The following CCDC39 variants were observed in gnomAD, a reference collection of about 807,000 sequenced individuals.
CCDC39 encodes coiled-coil domain 39 molecular ruler complex subunit.
CCDC39 carries 113 observed loss-of-function variants against 121.0 expected under a neutral mutation model. The ratio of observed to expected loss-of-function variants is 0.93; its 90% CI spans 0.80 to 1.09. CCDC39 has a LOEUF of 1.09. Ranked by LOEUF, CCDC39 falls within the 50% of genes least tolerant of loss-of-function variation. The pLI is 0.00. For synonymous variants in CCDC39, 349 were observed against 352.2 expected, an observed-to-expected ratio of 0.99 and a Z score of 0.10; for missense variants, 1,063 against 1,074.7, an observed-to-expected ratio of 0.99 and a Z score of 0.15.
chr3:180,631,611 A>G lies in CCDC39; in HGVS notation c.1875-19T>C. 1 of 1,590,596 alleles carries G rather than the reference A, an allele frequency of 6.3e-7. No individual in the cohort carries two copies. The highest frequency in any genetic ancestry group is 8.5e-7 in the Non-Finnish European group (1 of 1,171,966). On this transcript the variant is annotated intron_variant, in intron 13 of 19. Transcript: ENST00000476379. ...CTCAGTGCTAATAAGAAAAAGAAAC[A>G]CTGAGAAATGAATAACATACTTTAC...
rs528695350 is a variant in CCDC39, at chr3:180,616,820, C to A, written c.2406+6G>T. ...TGAAAGGTCAGTTTTTAAAAGATAT[C>A]GATACCTGTTTGGTCACTCTTTCTA... On this transcript the variant is annotated splice_donor_region_variant and intron_variant, in intron 17 of 19. Coordinates refer to ENST00000476379, the MANE Select transcript of CCDC39 (RefSeq NM_181426.2). 6.2e-7 allele frequency: 1 copy of A among 1,608,984 alleles called. No individual in the cohort carries two copies. The highest frequency in any genetic ancestry group is 8.5e-7 in the Non-Finnish European group (1 of 1,176,950).
At chr3:180,623,444 C>A (rs1465438827) in intron 14 of CCDC39, among the ~76,000 whole-genome samples, 1 of 151,860 alleles carries the variant, frequency 6.6e-6, no homozygotes, top group Non-Finnish European at 1.5e-5. Context: ...GTCTCTATTT[C>A]ATTTAGTTTT....
intron 1 of CCDC39, among the ~76,000 whole-genome samples, chr3:180,675,081 T>A (rs1712156787): frequency 1.3e-5 from 2 of 152,210 alleles, no homozygotes; most frequent in African/African-American, 4.8e-5. Context: ...GTACCTCTGG[T>A]AAAATTTGGC....
At chr3:180,666,250 T>C (rs1024334791) in intron 1 of CCDC39, among the ~76,000 whole-genome samples, 1 of 152,226 alleles carries the variant, frequency 6.6e-6, no homozygotes, top group African/African-American at 2.4e-5. Flanking sequence ...GTTATTCACT[T>C]AGCATAATGC....
intron 13 of CCDC39, among the ~76,000 whole-genome samples, chr3:180,634,433 A>G (rs990136293): frequency 2.0e-5 from 3 of 152,152 alleles, no homozygotes; most frequent in Admixed American, 2.0e-4. Context: ...GGCCCATAGC[A>G]CAGACTACCT....
intron 1 of CCDC39, among the ~76,000 whole-genome samples, chr3:180,675,999 T>C (rs1224254515): frequency 6.6e-6 from 1 of 152,144 alleles, no homozygotes; most frequent in Non-Finnish European, 1.5e-5. Context: ...TAATTCAATA[T>C]GGATTAAAGA....
At chr3:180,642,737 A>G (rs1461321016) in intron 12 of CCDC39, among the ~76,000 whole-genome samples, 1 of 152,248 alleles carries the variant, frequency 6.6e-6, no homozygotes, top group Non-Finnish European at 1.5e-5. Context: ...CCAAAAATAT[A>G]TTCTAGATGA....
chr3:180,675,787 CA>C (rs1191255970), intron 1 of CCDC39, among the ~76,000 whole-genome samples: 1 of 151,906 alleles, frequency 6.6e-6, no homozygotes, highest in Non-Finnish European at 1.5e-5. Context: ...GTACTGGTAC[CA>C]AAACAGAGAT....
At chr3:180,639,065 TA>T (rs1717896057) in intron 13 of CCDC39, among the ~76,000 whole-genome samples, 1 of 152,088 alleles carries the variant, frequency 6.6e-6, no homozygotes, top group African/African-American at 2.4e-5. Flanking sequence ...CATCAGCAGG[TA>T]AATGTATAAA....
Position 180,619,273 on chromosome 3 carries a change from GA to G in CCDC39, c.2250del (p.Gln751LysfsTer11). ...GTAGAATTTACCTGGATGTCTTCTT[GA>G]AGTTCTCTGATTTGTCTTTGTTTGT... is the stretch of plus-strand genomic sequence containing the variant. The part of the protein sequence containing the change: ...YRYKQRQIRE[L>X]QEDIQSMENT... On this transcript the variant is annotated frameshift_variant, in exon 16 of 20. Coordinates refer to ENST00000476379, the MANE Select transcript of CCDC39 (RefSeq NM_181426.2). LOFTEE classifies it high-confidence loss of function. 6.6e-7 allele frequency: 1 copy of G among 1,526,388 alleles called. No homozygotes were observed. The highest frequency in any genetic ancestry group is 8.9e-7 in the Non-Finnish European group (1 of 1,124,696). The allele number at this position is 1,526,388 out of a possible 1,614,324, so 94.6% of individuals were successfully genotyped here.
intron 19 of CCDC39, 69 bp downstream of exon 19, chr3:180,616,212 G>A (rs755795914): frequency 7.5e-7 from 1 of 1,325,252 alleles, no homozygotes; most frequent in Non-Finnish European, 1.1e-6. Flanking sequence ...CGGTGATGTA[G>A]AAGTGGCTGG....
chr3:180,618,070 CT>C (rs1177912344), intron 16 of CCDC39, among the ~76,000 whole-genome samples: 4 of 152,026 alleles, frequency 2.6e-5, no homozygotes, highest in South Asian at 2.1e-4. Context: ...TTACAGTTGC[CT>C]ATAGTACTCA....
At chr3:180,625,556 T>A (rs1030901925) in intron 14 of CCDC39, among the ~76,000 whole-genome samples, 4 of 152,178 alleles carry the variant, frequency 2.6e-5, no homozygotes, top group African/African-American at 4.8e-5. Context: ...TCACATTTCC[T>A]TGCTTTTTCA....
intron 1 of CCDC39, among the ~76,000 whole-genome samples, chr3:180,665,986 C>T (rs755461923): frequency 6.6e-6 from 1 of 151,958 alleles, no homozygotes; most frequent in Non-Finnish European, 1.5e-5. Context: ...ATAAAATATT[C>T]CATTTTAACC....
At chr3:180,646,974 G>A (rs1718080881) in intron 11 of CCDC39, 105 bp downstream of exon 11, 1 of 927,306 alleles carries the variant, frequency 1.1e-6, no homozygotes, top group Non-Finnish European at 1.7e-6. Context: ...TTATATATGT[G>A]TGTAGAGTGG....
chr3:180,616,510 T>C lies in CCDC39; in HGVS notation c.2586+6A>G, dbSNP rs1717248771. The C allele has an allele frequency of 3.3e-6, 5 of 1,538,302 alleles. No homozygotes were observed. The highest frequency in any genetic ancestry group is 4.4e-6 in the Non-Finnish European group (5 of 1,143,602). ...AAGAAATATTTAATAGAAGGTGCTG[T>C]ATTACCTGTTGAAAGTATGTTTGAA... On this transcript the variant is annotated splice_donor_region_variant and intron_variant, in intron 18 of 19. Coordinates refer to ENST00000476379, the MANE Select transcript of CCDC39 (RefSeq NM_181426.2).
At chr3:180,661,386 A>T (rs1711738611) in intron 3 of CCDC39, among the ~76,000 whole-genome samples, 1 of 152,100 alleles carries the variant, frequency 6.6e-6, no homozygotes, top group African/African-American at 2.4e-5. Context: ...ATGTAAAGAG[A>T]AGAATCAGAA....
At chr3:180,678,967 G>C (rs1429454473) in intron 1 of CCDC39, among the ~76,000 whole-genome samples, 1 of 152,074 alleles carries the variant, frequency 6.6e-6, no homozygotes, top group Admixed American at 6.5e-5. Context: ...TTTGAGCAAG[G>C]AAAAAGCGGG....
intron 1 of CCDC39, among the ~76,000 whole-genome samples, chr3:180,678,526 G>T (rs148858978): frequency 6.6e-6 from 1 of 151,742 alleles, no homozygotes; most frequent in Non-Finnish European, 1.5e-5. Context: ...TCGTAGAGAC[G>T]CGGTGGGAGG....
Sources: allele counts gnomAD v4.1 joint callset (sites outside exome capture counted in the v4.1 genomes callset), GRCh38; gene constraint gnomAD v4.1.1; transcripts MANE v1.5; gene names NCBI Gene and HGNC (gene_info 2026-07-23, HGNC 2026-07-21).